Variants in PPP4R4 observed in about 807,000 individuals in gnomAD.
PPP4R4 encodes the protein protein phosphatase 4 regulatory subunit 4.
A neutral mutation model predicts 121.8 loss-of-function variants in PPP4R4; 70 were observed. That is an observed-to-expected ratio of 0.57 (90% confidence interval 0.47 to 0.70). The LOEUF is 0.70. Ranked by LOEUF, PPP4R4 falls within the 30% of genes least tolerant of loss-of-function variation. The pLI is 0.00. For synonymous variants in PPP4R4, 348 were observed against 355.7 expected, an observed-to-expected ratio of 0.98 and a Z score of 0.24; for missense variants, 875 against 1,033.6, an observed-to-expected ratio of 0.85 and a Z score of 2.10.
chr14:94,256,726 G>A (rs1893491621), intron 17 of PPP4R4, 122 bp downstream of exon 17: 5 of 1,054,554 alleles, frequency 4.7e-6, no homozygotes, highest in African/African-American at 1.6e-5. Flanking sequence ...TGCTAAAATT[G>A]TAAGAATTAG....
At chr14:94,211,463 C>G (rs184052272) in intron 3 of PPP4R4, among the ~76,000 whole-genome samples, 1 of 151,974 alleles carries the variant, frequency 6.6e-6, no homozygotes, top group African/African-American at 2.4e-5. Flanking sequence ...GTGGAGAGAA[C>G]GGTAATTAGC....
At chr14:94,236,889 T>C (rs566573446) in intron 7 of PPP4R4, among the ~76,000 whole-genome samples, 1 of 152,334 alleles carries the variant, frequency 6.6e-6, no homozygotes, top group African/African-American at 2.4e-5. Context: ...TAATTGATGC[T>C]GTTTTCCATC....
intron 3 of PPP4R4, among the ~76,000 whole-genome samples, chr14:94,209,628 T>C (rs1006448131): frequency 1.1e-4 from 16 of 152,114 alleles, no homozygotes; most frequent in Non-Finnish European, 2.2e-4. Flanking sequence ...AATCATGCCA[T>C]GTTTCAAAGG....
chr14:94,247,951 A>G (rs1566688113), intron 14 of PPP4R4, among the ~76,000 whole-genome samples: 1 of 152,182 alleles, frequency 6.6e-6, no homozygotes, highest in Non-Finnish European at 1.5e-5. Flanking sequence ...CCCACTGCCA[A>G]CATCAAACTG....
chr14:94,185,199 C>G (rs889652743), intron 2 of PPP4R4, among the ~76,000 whole-genome samples: 1 of 152,120 alleles, frequency 6.6e-6, no homozygotes, highest in Non-Finnish European at 1.5e-5. Flanking sequence ...CCCAAGTTCC[C>G]TAATGTAAAA....
At position 94,225,912 on chromosome 14, in the gene PPP4R4, C is replaced by CA. The variant is rs561836635; in HGVS notation, c.295-4675_295-4674insA. On this transcript the variant is annotated intron_variant, in intron 3 of 24. Transcript: ENST00000304338. ...ATATTTGCTAGACTTTCCATGGCTG[C>CA]TTTTTTTTCTAAGAGAACTGTGTAT... 1.4e-4 allele frequency among the ~76,000 whole-genome samples: 22 copies of CA among 151,790 alleles called. No individual in the cohort carries two copies. The South Asian group carries it at 3.5e-3, about 24-fold the overall frequency.
At chr14:94,250,083 G>A in intron 14 of PPP4R4, 89 bp from the exon 15 acceptor site, 1 of 824,218 alleles carries the variant, frequency 1.2e-6, no homozygotes, top group Non-Finnish European at 2.1e-6. Context: ...CTTTAGTTTT[G>A]TCAATAACTT....
chr14:94,266,901 G>A, intron 22 of PPP4R4, 58 bp from the exon 23 acceptor site: 1 of 1,115,982 alleles, frequency 9.0e-7, no homozygotes, highest in Non-Finnish European at 1.3e-6. Context: ...AGTGTTAGAT[G>A]ACTGAGATTG....
In PPP4R4 at chr14:94,246,510, C is replaced by T; in HGVS notation, c.1582C>T (p.Gln528Ter). The T allele has an allele frequency of 3.1e-6, 5 of 1,613,552 alleles. No homozygotes were observed. The highest frequency in any genetic ancestry group is 4.2e-6 in the Non-Finnish European group (5 of 1,179,712). ...SSDQIYYRFLQRMFTIMMTNN... is the reference protein window; with the variant it reads ...SSDQIYYRFL Reference sequence around the variant, plus strand: ...CGATCAGATTTATTACCGTTTCTTACAAAGAATGTTCACAATCATGATGAC... The same window carrying T: ...CGATCAGATTTATTACCGTTTCTTATAAAGAATGTTCACAATCATGATGAC... The change falls in exon 14 of 25, where the codon CAA (glutamine) becomes TAA (stop). Residue 528 changes from glutamine to a stop codon, truncating the protein, a stop_gained. Coordinates refer to ENST00000304338, the MANE Select transcript of PPP4R4 (RefSeq NM_058237.2). LOFTEE classifies it high-confidence loss of function.
chr14:94,231,728 G>A (rs1245548108), intron 5 of PPP4R4, among the ~76,000 whole-genome samples: 1 of 152,080 alleles, frequency 6.6e-6, no homozygotes, highest in Non-Finnish European at 1.5e-5. Flanking sequence ...CTATTGAATA[G>A]GACATTAATG....
chr14:94,243,328 G>T (rs1167687603), intron 11 of PPP4R4, among the ~76,000 whole-genome samples: 1 of 152,064 alleles, frequency 6.6e-6, no homozygotes, highest in Non-Finnish European at 1.5e-5. Context: ...AAACACACCT[G>T]TAGAACTCTG....
chr14:94,218,332 G>GCA lies in PPP4R4; in HGVS notation c.294+9779_294+9780dup, dbSNP rs150431024. 3.3e-5 allele frequency among the ~76,000 whole-genome samples: 5 copies of GCA among 151,426 alleles called. No homozygotes were observed. In the East Asian group the frequency reaches 5.8e-4, roughly 18 times the overall value. ...CAGAGCAGGATAAATGCGTGCGAGC[G>GCA]CACACACACACACATACACACACAC... On this transcript the variant is annotated intron_variant, in intron 3 of 24. Coordinates refer to ENST00000304338, the MANE Select transcript of PPP4R4 (RefSeq NM_058237.2).
chr14:94,275,397 G>A lies in PPP4R4; in HGVS notation c.2473G>A (p.Ala825Thr). ...LADDSFRTRN[A>T]SSVPSSFSPN... The stretch of plus-strand genomic sequence containing the variant: ...AGATGATTCATTCCGGACTCGTAAT[G>A]CCAGTAGCGTTCCATCTTCCTTTTC... Residue 825 changes from alanine (A) to threonine (T), a missense_variant, in exon 24 of 25, where the codon GCC (alanine) becomes ACC (threonine). Transcript: ENST00000304338. 6.2e-7 allele frequency: 1 copy of A among 1,613,970 alleles called. No homozygotes were observed. Among genetic ancestry groups the A allele is most frequent in the South Asian group, 1.1e-5 (1 of 91,076 alleles).
intron 7 of PPP4R4, among the ~76,000 whole-genome samples, chr14:94,236,872 T>C (rs1256430951): frequency 6.6e-6 from 1 of 152,184 alleles, no homozygotes; most frequent in Non-Finnish European, 1.5e-5. Context: ...ACATCTTATG[T>C]CAATTATAAT....
chr14:94,219,055 ATCTTTTTTTTTTTTCTTTTCTTT>A (rs1746166260), intron 3 of PPP4R4, among the ~76,000 whole-genome samples: 1 of 140,982 alleles, frequency 7.1e-6, no homozygotes, highest in African/African-American at 2.5e-5. Flanking sequence ...GTAAAGGAAA[ATCTTTTTTTTTTTTCTTTTCTTT>A]TCTTTTTTTT....
Position 94,278,799 on chromosome 14 carries a change from A to C in PPP4R4, c.*156A>C. The C allele has an allele frequency of 1.8e-6, 1 of 551,414 alleles. No homozygotes were observed. The highest frequency in any genetic ancestry group is 2.9e-6 in the Non-Finnish European group (1 of 345,788). The allele number at this position is 551,414 out of a possible 1,614,324, so 34.2% of individuals were successfully genotyped here. Reference sequence around the variant, plus strand: ...AGAAAGAGAGACATAATGACAGCTGATGTTAAACTTTTCATATTTCAAATT... The same window carrying C: ...AGAAAGAGAGACATAATGACAGCTGCTGTTAAACTTTTCATATTTCAAATT... On this transcript the variant is annotated 3_prime_UTR_variant, in exon 25 of 25. Transcript: ENST00000304338.
At chr14:94,187,795 C>T (rs1889369072) in intron 2 of PPP4R4, among the ~76,000 whole-genome samples, 1 of 151,918 alleles carries the variant, frequency 6.6e-6, no homozygotes, top group African/African-American at 2.4e-5. Context: ...ATAGACTGTC[C>T]CTCAAGTTGG....
rs1893961371 is a variant in PPP4R4 at position 94,264,925 on chromosome 14, T to C, written c.2175T>C (p.Ser725=). ...EKQQNDGRPM[S]DKMFEKKRRD... ...AACAGAATGATGGAAGGCCCATGAGTGATAAAATGTTTGAAAAGAAACGTA... is the reference window on the plus strand; with the variant it reads ...AACAGAATGATGGAAGGCCCATGAGCGATAAAATGTTTGAAAAGAAACGTA... The change falls in exon 20 of 25, where the codon AGT becomes AGC. Residue 725 remains serine, a synonymous_variant. Coordinates refer to ENST00000304338, the MANE Select transcript of PPP4R4 (RefSeq NM_058237.2). 5 of 1,599,620 alleles carry C rather than the reference T, an allele frequency of 3.1e-6. No homozygotes were observed. Among genetic ancestry groups the C allele is most frequent in the Non-Finnish European group, 4.3e-6 (5 of 1,175,528 alleles).
In PPP4R4 at chr14:94,182,089, A is replaced by G. The variant is rs1889024040; in HGVS notation, c.191+5962A>G. On this transcript the variant is annotated intron_variant, in intron 2 of 24. Coordinates refer to ENST00000304338, the MANE Select transcript of PPP4R4 (RefSeq NM_058237.2). The stretch of plus-strand genomic sequence containing the variant: ...ACACCTTTGTTTGAGAGAGATACAT[A>G]CCATCTCCTTTCCAAGTGTGCTCTG... Among the ~76,000 whole-genome samples, 3 of 152,106 alleles carry G rather than the reference A, an allele frequency of 2.0e-5. No individual in the cohort carries two copies. In the South Asian group the frequency reaches 6.2e-4, roughly 32 times the overall value.
Sources: allele counts gnomAD v4.1 joint callset (sites outside exome capture counted in the v4.1 genomes callset), GRCh38; gene constraint gnomAD v4.1.1; transcripts MANE v1.5; gene names NCBI Gene and HGNC (gene_info 2026-07-23, HGNC 2026-07-21).